PIK3C3: variants seen among roughly 807,000 people sequenced by gnomAD.
The protein encoded by PIK3C3 is phosphatidylinositol 3-kinase catalytic subunit type 3.
Under a neutral mutation model 126.1 loss-of-function variants are expected in PIK3C3, and 95 were observed. The ratio of observed to expected loss-of-function variants is 0.75; its 90% CI spans 0.64 to 0.89. The LOEUF is 0.89. Among genes scored for constraint, PIK3C3 ranks in the 40% least tolerant of loss-of-function variants. PIK3C3 has a pLI of 0.00. For synonymous variants in PIK3C3, 374 were observed against 360.0 expected (o/e 1.04, Z -0.44); for missense variants, 829 against 1,063.2 (o/e 0.78, Z 3.06).
In PIK3C3 at chr18:42,081,439, A is replaced by C. The variant is rs1055613489; in HGVS notation, c.*302A>C. On this transcript the variant is annotated 3_prime_UTR_variant, in exon 25 of 25. Transcript: ENST00000262039. ...TACATGTTATGAGAGTTCTGGAGGA[A>C]GTAATATGTTGAAATAGTAAAACAT... is the stretch of plus-strand genomic sequence containing the variant. The C allele has an allele frequency of 3.3e-6, 1 of 307,336 alleles. No individual in the cohort carries two copies. Among genetic ancestry groups the C allele is most frequent in the Non-Finnish European group, 5.9e-6 (1 of 168,678 alleles). 19.0% of individuals were successfully genotyped at this position (307,336 alleles called of 1,614,324 possible).
chr18:42,051,477 T>C (rs1247283356), intron 21 of PIK3C3, among the ~76,000 whole-genome samples: 1 of 151,960 alleles, frequency 6.6e-6, no homozygotes, highest in Non-Finnish European at 1.5e-5. Flanking sequence ...GAATAATCTA[T>C]TAATATAATG....
rs1982163080 is a variant in PIK3C3, at chr18:41,999,118, G to A, written c.984+2388G>A. On this transcript the variant is annotated intron_variant, in intron 9 of 24. Transcript: ENST00000262039. ...ATTTCAGATGAAAACCTTCTAGTCA[G>A]GACTTGATGTTTCACCCAGAAAGTT... Among the ~76,000 whole-genome samples the A allele has an allele frequency of 3.3e-5, 5 of 151,620 alleles. No individual in the cohort carries two copies. The South Asian group carries it at 1.0e-3, about 32-fold the overall frequency.
intron 21 of PIK3C3, among the ~76,000 whole-genome samples, chr18:42,055,138 T>A (rs1985005955): frequency 6.6e-6 from 1 of 152,120 alleles, no homozygotes. Context: ...TCTTCATGAA[T>A]GGCCTGGTAC....
chr18:42,036,913 C>G lies in PIK3C3; in HGVS notation c.1840-779C>G, dbSNP rs145320429. Among the ~76,000 whole-genome samples the G allele has an allele frequency of 2.2e-3, 337 of 152,268 alleles. 1 individual carries two copies. The highest frequency in any genetic ancestry group is 7.5e-3 in the African/African-American group (312 of 41,554). On this transcript the variant is annotated intron_variant, in intron 16 of 24. Coordinates refer to ENST00000262039, the MANE Select transcript of PIK3C3 (RefSeq NM_002647.4). Reference sequence around the variant, plus strand: ...CGCAAGTGGAAAATCCTCCAGCTGACTTTATGTCATGCATTACAGTCAAAA... The same window carrying G: ...CGCAAGTGGAAAATCCTCCAGCTGAGTTTATGTCATGCATTACAGTCAAAA...
At chr18:42,049,336 G>A (rs1183097986) in intron 20 of PIK3C3, 195 bp from the exon 21 acceptor site, 2 of 406,214 alleles carry the variant, frequency 4.9e-6, no homozygotes, top group African/African-American at 4.1e-5. Context: ...AATTCTACAA[G>A]ATTTTCTCTT....
intron 1 of PIK3C3, 81 bp from the exon 2 acceptor site, chr18:41,957,489 A>G (rs1979840985): frequency 2.2e-6 from 3 of 1,375,332 alleles, no homozygotes; most frequent in South Asian, 2.7e-5. Context: ...TAAAGCATAT[A>G]TGTACATGCT....
chr18:42,009,126 T>G (rs1318001229), intron 10 of PIK3C3, among the ~76,000 whole-genome samples: 1 of 152,126 alleles, frequency 6.6e-6, no homozygotes, highest in Admixed American at 6.5e-5. Context: ...GGAAACAACA[T>G]GTAATTATAT....
intron 4 of PIK3C3, among the ~76,000 whole-genome samples, chr18:41,977,457 G>A (rs529562499): frequency 4.6e-5 from 7 of 151,956 alleles, no homozygotes; most frequent in East Asian, 1.9e-4. Context: ...TTGCGGAAAC[G>A]TTTTAGAGCC....
intron 24 of PIK3C3, among the ~76,000 whole-genome samples, chr18:42,076,103 T>TATATATATATATGCAC (rs1985972083): frequency 7.5e-5 from 5 of 66,578 alleles, no homozygotes; most frequent in Non-Finnish European, 1.5e-4. Flanking sequence ...TATATATATA[T>TATATATATATATGCAC]ATATATATAT....
chr18:42,074,498 T>C (rs758447826), intron 24 of PIK3C3, among the ~76,000 whole-genome samples: 7 of 152,136 alleles, frequency 4.6e-5, no homozygotes, highest in Non-Finnish European at 1.0e-4. Context: ...ATAATAAAAA[T>C]GTTGATAAAA....
chr18:41,998,985 T>C (rs1982155047), intron 9 of PIK3C3, among the ~76,000 whole-genome samples: 1 of 152,146 alleles, frequency 6.6e-6, no homozygotes, highest in African/African-American at 2.4e-5. Flanking sequence ...GAGAAGGCAG[T>C]GCTCAGAAAA....
chr18:42,068,920 A>G (rs1985657889), intron 24 of PIK3C3, among the ~76,000 whole-genome samples: 1 of 148,282 alleles, frequency 6.7e-6, no homozygotes, highest in Admixed American at 7.0e-5. Flanking sequence ...ACTGTACTCC[A>G]GCCTGGGCAA....
intron 2 of PIK3C3, among the ~76,000 whole-genome samples, chr18:41,960,844 G>T (rs1294882642): frequency 2.0e-5 from 3 of 151,822 alleles, no homozygotes; most frequent in South Asian, 4.2e-4. Flanking sequence ...CTGGGTTCAA[G>T]CAATCTCCTG....
intron 4 of PIK3C3, chr18:41,971,052 C>A (rs2144313467): frequency 6.5e-6 from 1 of 153,106 alleles, no homozygotes; most frequent in South Asian, 2.1e-4. Flanking sequence ...TTACCTTTTT[C>A]TTTCAAAATT....
At chr18:41,993,979 A>G (rs1406356561) in intron 7 of PIK3C3, among the ~76,000 whole-genome samples, 1 of 152,146 alleles carries the variant, frequency 6.6e-6, no homozygotes, top group Non-Finnish European at 1.5e-5. Flanking sequence ...CACGATAGTT[A>G]CCATGATTTT....
intron 20 of PIK3C3, among the ~76,000 whole-genome samples, chr18:42,047,657 G>A (rs2144487183): frequency 6.6e-6 from 1 of 152,250 alleles, no homozygotes; most frequent in South Asian, 2.1e-4. Flanking sequence ...TGATTCTTAT[G>A]TTCATCAATA....
intron 18 of PIK3C3, among the ~76,000 whole-genome samples, chr18:42,040,097 T>A (rs1984238029): frequency 6.6e-6 from 1 of 151,922 alleles, no homozygotes; most frequent in Non-Finnish European, 1.5e-5. Context: ...GTTTCTGTTG[T>A]CTTCAGACTT....
At chr18:41,986,523 T>C (rs1017330764) in intron 4 of PIK3C3, among the ~76,000 whole-genome samples, 6 of 152,058 alleles carry the variant, frequency 3.9e-5, no homozygotes, top group African/African-American at 1.4e-4. Flanking sequence ...TTTATTGATG[T>C]GGGTTCAGAA....
intron 7 of PIK3C3, 105 bp downstream of exon 7, chr18:41,993,446 C>T (rs1051866003): frequency 3.9e-5 from 27 of 683,580 alleles, no homozygotes; most frequent in Non-Finnish European, 4.6e-5. Flanking sequence ...TAACTGCCTC[C>T]GTTACCTAAA....
Sources: gnomAD v4.1 joint callset for allele counts (sites outside exome capture counted in the v4.1 genomes callset) on GRCh38, gnomAD v4.1.1 for gene constraint, MANE v1.5 for transcripts, NCBI Gene and HGNC (gene_info 2026-07-23, HGNC 2026-07-21) for gene names.